NSD1: variants seen among roughly 807,000 people sequenced by gnomAD.
NSD1 encodes nuclear receptor binding SET domain protein 1.
Under a neutral mutation model 242.7 loss-of-function variants are expected in NSD1, and 26 were observed. That is an observed-to-expected ratio of 0.11 (90% CI 0.08 to 0.15). The LOEUF (loss-of-function observed/expected upper bound fraction) is 0.15, where lower values mean the gene tolerates loss of function less well. Ranked by LOEUF, NSD1 falls within the 10% of genes least tolerant of loss-of-function variation. The pLI is 1.00. For synonymous variants in NSD1, 1,106 were observed against 1,178.1 expected, an observed-to-expected ratio of 0.94 and a Z score of 1.25; for missense variants, 2,495 against 3,272.8, an observed-to-expected ratio of 0.76 and a Z score of 5.80.
Position 177,298,215 on chromosome 5 carries a change from T to G in NSD1, c.*2756T>G, listed in dbSNP as rs1760373926. The stretch of plus-strand genomic sequence containing the variant: ...ACCCCTTTTCCAAAGGGATGTGAAT[T>G]GGAGTGAAAAGGAAATCTTTCATCT... On this transcript the variant is annotated 3_prime_UTR_variant, in exon 23 of 23. Coordinates refer to ENST00000439151, the MANE Select transcript of NSD1 (RefSeq NM_022455.5). The G allele has an allele frequency of 1.7e-5, 4 of 233,090 alleles. No individual in the cohort carries two copies. In the South Asian group the frequency reaches 7.2e-4, roughly 42 times the overall value. 14.4% of individuals were successfully genotyped at this position (233,090 alleles called of 1,614,324 possible).
intron 2 of NSD1, among the ~76,000 whole-genome samples, chr5:177,169,146 A>G (rs1046296055): frequency 6.6e-6 from 1 of 152,146 alleles, no homozygotes; most frequent in Non-Finnish European, 1.5e-5. Context: ...CAGACCACCA[A>G]GCAGTGACCA....
intron 17 of NSD1, among the ~76,000 whole-genome samples, chr5:177,278,910 A>G (rs1454483027): frequency 6.6e-6 from 1 of 152,214 alleles, no homozygotes; most frequent in South Asian, 2.1e-4. Flanking sequence ...TGTTGCTAGT[A>G]TTTGTTAAAA....
At chr5:177,257,816 T>TA (rs1290096993) in intron 13 of NSD1, among the ~76,000 whole-genome samples, 200 of 126,756 alleles carry the variant, frequency 1.6e-3, no homozygotes, top group East Asian at 0.013. Context: ...CCTGGGCTTT[T>TA]TTTTTATTTT....
chr5:177,149,383 TA>T (rs1489337383), intron 2 of NSD1, among the ~76,000 whole-genome samples: 1 of 151,656 alleles, frequency 6.6e-6, no homozygotes, highest in Non-Finnish European at 1.5e-5. Context: ...CACGCCTGGC[TA>T]ATTTTTGTAT....
rs115143521 is a variant in NSD1, at chr5:177,284,065, G to A, written c.6151+137G>A. On this transcript the variant is annotated intron_variant, in intron 20 of 22. Transcript: ENST00000439151. ...TGGAATTAAGTTCATTTACATTTTT[G>A]TGCAACCATCACCACCATCCGTCTC... 1.3e-3 allele frequency: 1,429 copies of A among 1,118,420 alleles called. 11 individuals are homozygous for A. In the African/African-American group the frequency reaches 0.017, roughly 13 times the overall value. The allele number at this position is 1,118,420 out of a possible 1,614,324, so 69.3% of individuals were successfully genotyped here. A position where few individuals can be genotyped will look rare whatever the true frequency, so the allele number is the denominator to read the frequency against.
chr5:177,239,618 C>T (rs574307013), intron 7 of NSD1, 138 bp from the exon 8 acceptor site: 4 of 602,064 alleles, frequency 6.6e-6, no homozygotes, highest in Admixed American at 3.1e-5. Context: ...AAGCAAATTA[C>T]CATCCTGCCT....
chr5:177,280,884 G>GAT, intron 18 of NSD1, 50 bp downstream of exon 18: 1 of 1,569,796 alleles, frequency 6.4e-7, no homozygotes, highest in Non-Finnish European at 8.8e-7. Context: ...GCAGTTGCTT[G>GAT]ATATCATTGA....
chr5:177,283,699 A>G, intron 19 of NSD1, 88 bp from the exon 20 acceptor site: 2 of 1,449,610 alleles, frequency 1.4e-6, no homozygotes, highest in Non-Finnish European at 1.9e-6. Context: ...ACAAATAGAA[A>G]CTCCAACTTA....
chr5:177,285,563 CAA>C lies in NSD1; in HGVS notation c.6151+1658_6151+1659del, dbSNP rs772293606. Among the ~76,000 whole-genome samples, 684 of 81,842 alleles carry C rather than the reference CAA, an allele frequency of 8.4e-3. 3 individuals are homozygous for C. Among genetic ancestry groups the C allele is most frequent in the African/African-American group, 0.031 (633 of 20,408 alleles). 53.7% of individuals were successfully genotyped at this position (81,842 alleles called of 152,430 possible). On this transcript the variant is annotated intron_variant, in intron 20 of 22. Transcript: ENST00000439151. ...CGGGCAACAGAGGGAGATTCCATCT[CAA>C]AAAAAAAAAAAAAAAAAAAAAATTT... is the stretch of plus-strand genomic sequence containing the variant.
intron 14 of NSD1, chr5:177,265,809 A>G: frequency 7.2e-7 from 1 of 1,392,604 alleles, no homozygotes; most frequent in Non-Finnish European, 1.0e-6. Context: ...CTCTTGTGGC[A>G]GTGCGTAAAC....
At position 177,275,435 on chromosome 5, in the gene NSD1, C is replaced by CTTTTTTTTT. The variant is rs749631943; in HGVS notation, c.5622+1669_5622+1677dup. Among the ~76,000 whole-genome samples, 28 of 50,144 alleles carry CTTTTTTTTT rather than the reference C, an allele frequency of 5.6e-4. 9 individuals are homozygous for CTTTTTTTTT. The highest frequency in any genetic ancestry group is 1.0e-3 in the Admixed American group (3 of 2,944). 32.9% of individuals were successfully genotyped at this position (50,144 alleles called of 152,430 possible). A position where few individuals can be genotyped will look rare whatever the true frequency, so the allele number is the denominator to read the frequency against. On this transcript the variant is annotated intron_variant, in intron 17 of 22. Transcript: ENST00000439151. ...TGTGATTCCATTGTGCTTCCCTTGT[C>CTTTTTTTTT]TTTTTTTTTTTTTTTTTTTTTTTTT...
chr5:177,186,914 T>C (rs953832648), intron 2 of NSD1, among the ~76,000 whole-genome samples: 1 of 151,868 alleles, frequency 6.6e-6, no homozygotes, highest in African/African-American at 2.4e-5. Context: ...AGACTGAGGC[T>C]GTGTCTCAAA....
intron 13 of NSD1, among the ~76,000 whole-genome samples, chr5:177,257,973 CTTTTTT>C (rs35034666): frequency 3.5e-3 from 183 of 52,568 alleles, no homozygotes; most frequent in African/African-American, 0.013. Context: ...CCCCCTGGGC[CTTTTTT>C]TTTTTTTTTT....
chr5:177,275,289 A>T (rs1758279716), intron 17 of NSD1, among the ~76,000 whole-genome samples: 1 of 150,224 alleles, frequency 6.7e-6, no homozygotes, highest in African/African-American at 2.5e-5. Flanking sequence ...TTATTTTTAA[A>T]CTCCTTTCCT....
Position 177,145,651 on chromosome 5 carries a change from G to A in NSD1, c.927+9621G>A, listed in dbSNP as rs532441608. On this transcript the variant is annotated intron_variant, in intron 2 of 22. Coordinates refer to ENST00000439151, the MANE Select transcript of NSD1 (RefSeq NM_022455.5). ...GGCCAGGCTGGGCGTGGTGGCTCAC[G>A]CCTGTAATCCCAGCACTTTGGGAGG... Among the ~76,000 whole-genome samples, 394 of 152,194 alleles carry A rather than the reference G, an allele frequency of 2.6e-3. 2 individuals are homozygous for A. Among genetic ancestry groups the A allele is most frequent in the African/African-American group, 6.6e-3 (273 of 41,524 alleles).
At chr5:177,280,450 C>T (rs1758782720) in intron 17 of NSD1, 115 bp from the exon 18 acceptor site, 1 of 1,183,026 alleles carries the variant, frequency 8.5e-7, no homozygotes, top group Non-Finnish European at 1.3e-6. Context: ...GTTGATAGTT[C>T]AAAATCATGG....
At chr5:177,270,233 A>G (rs1357531435) in intron 16 of NSD1, among the ~76,000 whole-genome samples, 1 of 152,246 alleles carries the variant, frequency 6.6e-6, no homozygotes, top group African/African-American at 2.4e-5. Context: ...ATTGTAGAAC[A>G]AACTAGTAAA....
intron 3 of NSD1, among the ~76,000 whole-genome samples, chr5:177,201,216 TA>T (rs1762487016): frequency 6.6e-6 from 1 of 152,008 alleles, no homozygotes; most frequent in Admixed American, 6.6e-5. Context: ...TGTTGTTTTT[TA>T]TTTGTTTTTT....
In NSD1 at chr5:177,299,534, C is replaced by G; in HGVS notation, c.*4075C>G. On this transcript the variant is annotated 3_prime_UTR_variant, in exon 23 of 23. Coordinates refer to ENST00000439151, the MANE Select transcript of NSD1 (RefSeq NM_022455.5). The stretch of plus-strand genomic sequence containing the variant: ...TTCCTCAGCTCCCTTCTGCCCCTCT[C>G]TACCTCTTCCACTCATGGAAGCCCC... 4.3e-6 allele frequency: 1 copy of G among 233,350 alleles called. No individual in the cohort carries two copies. Among genetic ancestry groups the G allele is most frequent in the Non-Finnish European group, 8.5e-6 (1 of 118,066 alleles). The allele number at this position is 233,350 out of a possible 1,614,324, so 14.5% of individuals were successfully genotyped here. A position where few individuals can be genotyped will look rare whatever the true frequency, so the allele number is the denominator to read the frequency against.
Sources: gnomAD v4.1 joint callset for allele counts (sites outside exome capture counted in the v4.1 genomes callset) on GRCh38, gnomAD v4.1.1 for gene constraint, MANE v1.5 for transcripts, NCBI Gene and HGNC (gene_info 2026-07-23, HGNC 2026-07-21) for gene names.